The following ROBO1 variants were observed in gnomAD, a reference collection of about 807,000 sequenced individuals.
The protein encoded by ROBO1 is roundabout homolog 1.
ROBO1 carries 149 observed loss-of-function variants against 195.9 expected under a neutral mutation model. The observed-to-expected ratio is 0.76, with a 90% CI of 0.67 to 0.87. ROBO1 has a LOEUF of 0.87. ROBO1 is among the 40% of genes least tolerant of loss of function. ROBO1 has a pLI of 0.00. For missense variants in ROBO1, 1,933 were observed against 2,068.3 expected (o/e 0.93, Z 1.27); for synonymous variants, 816 against 733.2 (o/e 1.11, Z -1.82).
At chr3:79,440,138 G>A (rs1443879221) in intron 2 of ROBO1, among the ~76,000 whole-genome samples, 2 of 151,964 alleles carry the variant, frequency 1.3e-5, no homozygotes, top group Non-Finnish European at 2.9e-5. Flanking sequence ...CAGTCTTCAC[G>A]CTGTTGTGAG....
At chr3:79,304,526 C>T (rs901499933) in intron 2 of ROBO1, among the ~76,000 whole-genome samples, 5 of 152,138 alleles carry the variant, frequency 3.3e-5, no homozygotes, top group African/African-American at 1.2e-4. Context: ...CCGTCTTTCA[C>T]TCTCTCCACC....
At chr3:78,653,581 C>T (rs930259450) in intron 18 of ROBO1, among the ~76,000 whole-genome samples, 3 of 152,228 alleles carry the variant, frequency 2.0e-5, no homozygotes, top group Non-Finnish European at 4.4e-5. Flanking sequence ...CTGCCCTTGT[C>T]GGCACTCCCT....
intron 3 of ROBO1, among the ~76,000 whole-genome samples, chr3:79,049,594 T>C (rs2078657863): frequency 6.6e-6 from 1 of 151,950 alleles, no homozygotes. Context: ...GACACGTAAT[T>C]GTCAGATTCA....
chr3:79,734,576 G>A (rs1416967230), intron 1 of ROBO1, among the ~76,000 whole-genome samples: 1 of 152,192 alleles, frequency 6.6e-6, no homozygotes, highest in Non-Finnish European at 1.5e-5. Context: ...ATACTGAGAA[G>A]CTTCACTGGA....
At chr3:78,751,744 T>C (rs976388587) in intron 4 of ROBO1, among the ~76,000 whole-genome samples, 2 of 152,170 alleles carry the variant, frequency 1.3e-5, no homozygotes, top group Admixed American at 6.5e-5. Flanking sequence ...CAGAATAATA[T>C]TGAGAATTAG....
chr3:79,128,335 C>T (rs904305785), intron 2 of ROBO1, among the ~76,000 whole-genome samples: 15 of 152,038 alleles, frequency 9.9e-5, no homozygotes, highest in Non-Finnish European at 2.1e-4. Flanking sequence ...CTGTCACCCC[C>T]ATTATAATCT....
intron 1 of ROBO1, among the ~76,000 whole-genome samples, chr3:79,718,530 T>C (rs971246828): frequency 1.3e-5 from 2 of 152,046 alleles, no homozygotes; most frequent in Non-Finnish European, 2.9e-5. Context: ...CTAATTATGA[T>C]ATGTATTATA....
intron 3 of ROBO1, among the ~76,000 whole-genome samples, chr3:79,017,762 A>G (rs944990147): frequency 1.3e-5 from 2 of 152,134 alleles, no homozygotes; most frequent in East Asian, 3.8e-4. Flanking sequence ...GAGAATCCCC[A>G]GGCAACTCCC....
chr3:79,124,711 T>A (rs2080182948), intron 3 of ROBO1, among the ~76,000 whole-genome samples: 1 of 152,288 alleles, frequency 6.6e-6, no homozygotes, highest in African/African-American at 2.4e-5. Context: ...ATTATCTAAT[T>A]CAATGGGTTA....
intron 8 of ROBO1, among the ~76,000 whole-genome samples, chr3:78,698,410 C>T (rs1055191008): frequency 6.6e-6 from 1 of 152,032 alleles, no homozygotes; most frequent in African/African-American, 2.4e-5. Context: ...TGTCTTTCAA[C>T]TTTTAAGACA....
At chr3:79,573,312 A>G (rs1244461342) in intron 2 of ROBO1, among the ~76,000 whole-genome samples, 1 of 152,082 alleles carries the variant, frequency 6.6e-6, no homozygotes, top group Admixed American at 6.6e-5. Flanking sequence ...TCTGCCTCTC[A>G]AGTTCTGGGA....
intron 4 of ROBO1, among the ~76,000 whole-genome samples, chr3:78,847,530 G>A (rs962826093): frequency 6.6e-6 from 1 of 152,080 alleles, no homozygotes; most frequent in Admixed American, 6.6e-5. Context: ...TATCTGGGTG[G>A]AGCACTTCTC....
chr3:79,169,151 A>C (rs2081123455), intron 2 of ROBO1, among the ~76,000 whole-genome samples: 1 of 152,172 alleles, frequency 6.6e-6, no homozygotes, highest in African/African-American at 2.4e-5. Context: ...AAAGTGGACT[A>C]TTGATGACTG....
At chr3:78,822,852 T>G (rs2031151522) in intron 4 of ROBO1, among the ~76,000 whole-genome samples, 1 of 152,252 alleles carries the variant, frequency 6.6e-6, no homozygotes, top group Non-Finnish European at 1.5e-5. Flanking sequence ...TGCACAATAG[T>G]GCATTTGTTA....
intron 2 of ROBO1, among the ~76,000 whole-genome samples, chr3:79,492,819 A>C (rs1054275482): frequency 1.3e-5 from 2 of 152,092 alleles, no homozygotes; most frequent in Non-Finnish European, 2.9e-5. Context: ...ACATTTGTGA[A>C]ATTGATAGGA....
intron 4 of ROBO1, among the ~76,000 whole-genome samples, chr3:78,853,640 T>C (rs1327072385): frequency 2.0e-5 from 3 of 151,968 alleles, no homozygotes; most frequent in African/African-American, 7.2e-5. Flanking sequence ...GTAAGGCAAA[T>C]TACCCTCCAT....
chr3:79,034,237 C>T (rs1479035924), intron 3 of ROBO1, among the ~76,000 whole-genome samples: 1 of 152,062 alleles, frequency 6.6e-6, no homozygotes, highest in Non-Finnish European at 1.5e-5. Flanking sequence ...TAAAAAGATG[C>T]CCTTTGCCTT....
intron 4 of ROBO1, among the ~76,000 whole-genome samples, chr3:78,795,011 G>T (rs1482136726): frequency 6.6e-6 from 1 of 152,000 alleles, no homozygotes; most frequent in Non-Finnish European, 1.5e-5. Context: ...ACATTTAACA[G>T]AAAATAATTC....
intron 2 of ROBO1, among the ~76,000 whole-genome samples, chr3:79,252,589 T>C (rs751614227): frequency 2.0e-5 from 3 of 152,186 alleles, no homozygotes; most frequent in Non-Finnish European, 4.4e-5. Context: ...ACCCAGTTTG[T>C]GGTAATTTGT....
Sources: allele counts gnomAD v4.1 joint callset (sites outside exome capture counted in the v4.1 genomes callset), GRCh38; gene constraint gnomAD v4.1.1; transcripts MANE v1.5; gene names NCBI Gene and HGNC (gene_info 2026-07-23, HGNC 2026-07-21).